The following MCU variants were observed in gnomAD, a reference collection of about 807,000 sequenced individuals.
MCU encodes the protein mitochondrial calcium uniporter, also known as calcium uniporter protein, mitochondrial.
Under a neutral mutation model 45.2 loss-of-function variants are expected in MCU, and 12 were observed. That is an observed-to-expected ratio of 0.27 (90% CI 0.17 to 0.43). The LOEUF (loss-of-function observed/expected upper bound fraction) is 0.43, where lower values mean the gene tolerates loss of function less well. Among genes scored for constraint, MCU ranks in the 20% least tolerant of loss-of-function variants. The pLI, the probability that MCU is intolerant of heterozygous loss-of-function variation, is 1.00. For missense variants in MCU, 324 were observed against 436.7 expected, an observed-to-expected ratio of 0.74 and a Z score of 2.30; for synonymous variants, 160 against 165.1, an observed-to-expected ratio of 0.97 and a Z score of 0.24.
chr10:72,875,163 G>A (rs931626517), intron 6 of MCU, among the ~76,000 whole-genome samples: 4 of 152,144 alleles, frequency 2.6e-5, no homozygotes, highest in Admixed American at 2.6e-4. Flanking sequence ...GTGTGGCTCT[G>A]TAGGCTGCTC....
At chr10:72,759,656 C>G (rs912075673) in intron 1 of MCU, among the ~76,000 whole-genome samples, 1 of 152,082 alleles carries the variant, frequency 6.6e-6, no homozygotes, top group African/African-American at 2.4e-5. Context: ...TTCTTCCCCC[C>G]AAATTGATAC....
chr10:72,698,831 T>C (rs1842721030), intron 1 of MCU, among the ~76,000 whole-genome samples: 1 of 151,584 alleles, frequency 6.6e-6, no homozygotes, highest in Non-Finnish European at 1.5e-5. Flanking sequence ...TGAGACGAGG[T>C]CTTACTCTGT....
intron 1 of MCU, among the ~76,000 whole-genome samples, chr10:72,779,456 T>C (rs1843954862): frequency 6.6e-6 from 1 of 152,228 alleles, no homozygotes; most frequent in Non-Finnish European, 1.5e-5. Flanking sequence ...TGAAAACTTC[T>C]GTGGTGCAAA....
At chr10:72,739,939 G>A (rs1252237662) in intron 1 of MCU, among the ~76,000 whole-genome samples, 4 of 151,750 alleles carry the variant, frequency 2.6e-5, no homozygotes, top group Non-Finnish European at 5.9e-5. Flanking sequence ...GCCTCCCAAA[G>A]TGCAGGGATT....
intron 2 of MCU, among the ~76,000 whole-genome samples, chr10:72,840,782 A>G (rs1436597560): frequency 6.6e-6 from 1 of 152,218 alleles, no homozygotes; most frequent in Non-Finnish European, 1.5e-5. Context: ...TTTTAAAAAT[A>G]TATGCAACAG....
intron 1 of MCU, among the ~76,000 whole-genome samples, chr10:72,695,836 C>G (rs1842679381): frequency 6.6e-6 from 1 of 151,540 alleles, no homozygotes; most frequent in Non-Finnish European, 1.5e-5. Flanking sequence ...TCGGCCTCCC[C>G]AAGTAATGTG....
chr10:72,805,163 C>CTTTCTTTCTTTCTG (rs1187966928), intron 1 of MCU, among the ~76,000 whole-genome samples: 70 of 134,708 alleles, frequency 5.2e-4, no homozygotes, highest in Admixed American at 4.7e-3. Flanking sequence ...TTCTTTCTGT[C>CTTTCTTTCTTTCTG]TCTCTCTCTC....
At chr10:72,736,145 C>T (rs1447146881) in intron 1 of MCU, among the ~76,000 whole-genome samples, 1 of 152,054 alleles carries the variant, frequency 6.6e-6, no homozygotes, top group African/African-American at 2.4e-5. Context: ...GTTTAAAACC[C>T]TCTATTGACA....
At chr10:72,766,454 C>G (rs1394290326) in intron 1 of MCU, 1 of 152,056 alleles carries the variant, frequency 6.6e-6, no homozygotes, top group Admixed American at 6.6e-5. Flanking sequence ...AAAAGACAAC[C>G]TATGTTTATT....
rs192370650 is a variant in MCU, at chr10:72,746,298, G to T, written c.150+53997G>T. ...CTTGAATTATAGTCAGGCTTAAAAT[G>T]AAAAAATATTTGAGCAGAAGCTCCA... On this transcript the variant is annotated intron_variant, in intron 1 of 7. Transcript: ENST00000373053. Among the ~76,000 whole-genome samples the T allele has an allele frequency of 1.0e-3, 156 of 152,240 alleles. 1 individual carries two copies. Among genetic ancestry groups the T allele is most frequent in the Middle Eastern group, 0.01 (3 of 294 alleles).
At chr10:72,759,410 C>CT (rs2132720653) in intron 1 of MCU, among the ~76,000 whole-genome samples, 2 of 152,250 alleles carry the variant, frequency 1.3e-5, no homozygotes, top group South Asian at 4.1e-4. Flanking sequence ...CGGGGTCAGT[C>CT]TTTAACTACC....
At chr10:72,861,583 G>GACTCT (rs1845376431) in intron 4 of MCU, 11 of 331,606 alleles carry the variant, frequency 3.3e-5, no homozygotes, top group South Asian at 2.6e-4. Context: ...TTGACCTCAG[G>GACTCT]TGATCCATCC....
At chr10:72,826,805 G>A (rs1009706433) in intron 1 of MCU, among the ~76,000 whole-genome samples, 1 of 151,972 alleles carries the variant, frequency 6.6e-6, no homozygotes, top group Non-Finnish European at 1.5e-5. Flanking sequence ...GTTTTAAATG[G>A]TGCACTGTCC....
At chr10:72,753,659 G>A (rs953219810) in intron 1 of MCU, among the ~76,000 whole-genome samples, 1 of 152,156 alleles carries the variant, frequency 6.6e-6, no homozygotes, top group Non-Finnish European at 1.5e-5. Context: ...TAGATCGCTT[G>A]AGCCCAGAAG....
At chr10:72,778,621 A>G (rs1444674017) in intron 1 of MCU, among the ~76,000 whole-genome samples, 1 of 152,208 alleles carries the variant, frequency 6.6e-6, no homozygotes, top group African/African-American at 2.4e-5. Context: ...GATTCATGCT[A>G]GCAAGAACAC....
intron 1 of MCU, among the ~76,000 whole-genome samples, chr10:72,745,948 C>A (rs1274829890): frequency 6.6e-6 from 1 of 152,032 alleles, no homozygotes; most frequent in Non-Finnish European, 1.5e-5. Flanking sequence ...TTACCACTAT[C>A]CACCTCCAGA....
At chr10:72,735,931 CTG>C (rs1478040721) in intron 1 of MCU, among the ~76,000 whole-genome samples, 1 of 152,176 alleles carries the variant, frequency 6.6e-6, no homozygotes, top group African/African-American at 2.4e-5. Context: ...GGATAGGAGA[CTG>C]TCATTTCCCA....
At chr10:72,784,030 A>C (rs1472537026) in intron 1 of MCU, among the ~76,000 whole-genome samples, 1 of 152,186 alleles carries the variant, frequency 6.6e-6, no homozygotes, top group Admixed American at 6.5e-5. Context: ...CACGTAATTA[A>C]CCCTGCTGCT....
intron 1 of MCU, among the ~76,000 whole-genome samples, chr10:72,730,355 C>G (rs1843156965): frequency 7.1e-6 from 1 of 141,784 alleles, no homozygotes; most frequent in Admixed American, 7.3e-5. Flanking sequence ...GTCACCTAGG[C>G]TAGAATGCAG....
Sources: allele counts gnomAD v4.1 joint callset (sites outside exome capture counted in the v4.1 genomes callset), GRCh38; gene constraint gnomAD v4.1.1; transcripts MANE v1.5; gene names NCBI Gene and HGNC (gene_info 2026-07-23, HGNC 2026-07-21).